The following SEC24B variants were observed in gnomAD, a reference collection of about 807,000 sequenced individuals.
SEC24B encodes the protein SEC24 homolog B, COPII component, also known as protein transport protein Sec24B.
A neutral mutation model predicts 142.8 loss-of-function variants in SEC24B; 45 were observed. That is an observed-to-expected ratio of 0.32 (90% CI 0.25 to 0.40). SEC24B has a LOEUF of 0.40. Among genes scored for constraint, SEC24B ranks in the 10% least tolerant of loss-of-function variants. SEC24B has a pLI of 1.00. For missense variants in SEC24B, 1,409 were observed against 1,526.8 expected (o/e 0.92, Z 1.29); for synonymous variants, 574 against 568.2 (o/e 1.01, Z -0.15).
chr4:109,533,724 CA>C (rs774156150), intron 22 of SEC24B, 39 bp downstream of exon 22: 5 of 1,193,174 alleles, frequency 4.2e-6, no homozygotes, highest in East Asian at 4.7e-5. Flanking sequence ...TTTGTTTGCT[CA>C]TTTTTTTTTA....
intron 7 of SEC24B, among the ~76,000 whole-genome samples, chr4:109,508,919 AAC>A (rs906877681): frequency 7.9e-5 from 12 of 152,370 alleles, no homozygotes; most frequent in East Asian, 3.9e-4. Context: ...TTGTGAACAA[AAC>A]ACAGTTCCTG....
At chr4:109,462,759 T>A in intron 1 of SEC24B, 142 bp from the exon 2 acceptor site, 1 of 678,444 alleles carries the variant, frequency 1.5e-6, no homozygotes. Context: ...CAGGCTACCA[T>A]AATGGGTCTA....
At position 109,521,511 on chromosome 4, in the gene SEC24B, T is replaced by C. The variant is rs1179827112; in HGVS notation, c.2393T>C (p.Phe798Ser). ...CTTGGTCCTGCACTTCAGGCTGCCT[T>C]TAAATTAATGTCTCCAACAGGTGGC... ...SALGPALQAA[F>S]KLMSPTGGRV... The change falls in exon 14 of 24, where the codon TTT becomes TCT. Residue 798 changes from phenylalanine (F) to serine (S), a missense_variant. Physicochemically the swap from Phe to Ser is radical, Grantham distance 155. Coordinates refer to ENST00000265175, the MANE Select transcript of SEC24B (RefSeq NM_006323.5). 1.2e-6 allele frequency: 2 copies of C among 1,614,048 alleles called. No individual in the cohort carries two copies. The highest frequency in any genetic ancestry group is 2.7e-5 in the African/African-American group (2 of 74,936).
chr4:109,449,234 TTTC>T (rs1192780856), intron 1 of SEC24B, among the ~76,000 whole-genome samples: 12 of 152,220 alleles, frequency 7.9e-5, no homozygotes, highest in African/African-American at 2.9e-4. Context: ...AGACATTTCT[TTTC>T]TTCTTTGAGG....
At chr4:109,440,277 G>A (rs1361607713) in intron 1 of SEC24B, among the ~76,000 whole-genome samples, 1 of 152,134 alleles carries the variant, frequency 6.6e-6, no homozygotes, top group Non-Finnish European at 1.5e-5. Context: ...TGGGATTGTA[G>A]CAGTAATTAA....
At chr4:109,481,892 T>C (rs1378996443) in intron 4 of SEC24B, 111 bp downstream of exon 4, 9 of 738,440 alleles carry the variant, frequency 1.2e-5, no homozygotes, top group African/African-American at 3.5e-5. Flanking sequence ...TTTAGCATGA[T>C]GAACTTACGA....
At chr4:109,459,680 T>G (rs1396838267) in intron 1 of SEC24B, among the ~76,000 whole-genome samples, 1 of 152,170 alleles carries the variant, frequency 6.6e-6, no homozygotes, top group Non-Finnish European at 1.5e-5. Flanking sequence ...AACTCACTTC[T>G]GATAAATTTC....
chr4:109,450,698 T>G (rs1257850645), intron 1 of SEC24B: 2 of 150,594 alleles, frequency 1.3e-5, no homozygotes, highest in Non-Finnish European at 3.0e-5. Context: ...TTTTAGCATG[T>G]CACTCATGAG....
At chr4:109,507,454 A>G (rs1431485972) in intron 7 of SEC24B, among the ~76,000 whole-genome samples, 1 of 151,312 alleles carries the variant, frequency 6.6e-6, no homozygotes, top group East Asian at 1.9e-4. Flanking sequence ...TTGTATTTTT[A>G]TTAGAGATGG....
At position 109,530,444 on chromosome 4, in the gene SEC24B, G is replaced by C; in HGVS notation, c.3232G>C (p.Val1078Leu). The C allele has an allele frequency of 6.2e-7, 1 of 1,613,590 alleles. No individual in the cohort carries two copies. Among genetic ancestry groups the C allele is most frequent in the Non-Finnish European group, 8.5e-7 (1 of 1,179,790 alleles). ...CTCCCTCAAGTTGTTTCCTCTCTATGTTTTGGCCCTTCTCAAACAGGTAGC... is the reference window on the plus strand; with the variant it reads ...CTCCCTCAAGTTGTTTCCTCTCTATCTTTTGGCCCTTCTCAAACAGGTAGC... The part of the protein sequence containing the change: ...PSSLKLFPLY[V>L]LALLKQKAFR... Residue 1078 changes from valine (V) to leucine (L), a missense_variant, in exon 19 of 24, where the codon GTT becomes CTT. Around this residue, in one of 2 missense-constraint regions of SEC24B, gnomAD observed 700 missense variants for 853.3 expected, o/e 0.82. Coordinates refer to ENST00000265175, the MANE Select transcript of SEC24B (RefSeq NM_006323.5).
intron 9 of SEC24B, among the ~76,000 whole-genome samples, chr4:109,512,614 A>T (rs1226010452): frequency 1.3e-5 from 2 of 151,146 alleles, no homozygotes; most frequent in Non-Finnish European, 2.9e-5. Context: ...TTCTCACCTG[A>T]TTTCAGAACA....
At chr4:109,459,254 A>G (rs1199930534) in intron 1 of SEC24B, among the ~76,000 whole-genome samples, 2 of 152,224 alleles carry the variant, frequency 1.3e-5, no homozygotes, top group Non-Finnish European at 1.5e-5. Flanking sequence ...ATCTGTCATG[A>G]GAGGCAGAAA....
intron 16 of SEC24B, among the ~76,000 whole-genome samples, chr4:109,525,828 A>G (rs1226439215): frequency 1.3e-5 from 2 of 152,158 alleles, no homozygotes; most frequent in Non-Finnish European, 2.9e-5. Context: ...TGCCTTCATA[A>G]TCATTTAATG....
intron 2 of SEC24B, among the ~76,000 whole-genome samples, chr4:109,471,556 G>T: frequency 6.6e-6 from 1 of 152,258 alleles, no homozygotes; most frequent in African/African-American, 2.4e-5. Flanking sequence ...TCTATTGCTG[G>T]TTTAAAATAA....
intron 6 of SEC24B, among the ~76,000 whole-genome samples, chr4:109,505,140 T>C (rs1275306585): frequency 6.6e-6 from 1 of 152,056 alleles, no homozygotes; most frequent in African/African-American, 2.4e-5. Context: ...TATTGTAATG[T>C]TTTTTGACAT....
At chr4:109,533,046 A>G (rs1441731293) in intron 21 of SEC24B, among the ~76,000 whole-genome samples, 4 of 152,222 alleles carry the variant, frequency 2.6e-5, no homozygotes, top group Non-Finnish European at 4.4e-5. Flanking sequence ...GTAAATTCCT[A>G]TATTTAGGGA....
intron 1 of SEC24B, among the ~76,000 whole-genome samples, chr4:109,461,418 T>C (rs1205070586): frequency 1.3e-5 from 2 of 152,206 alleles, no homozygotes; most frequent in African/African-American, 2.4e-5. Context: ...CTCATAAATA[T>C]AGATTAGTTC....
At chr4:109,490,058 A>G (rs1225365650) in intron 4 of SEC24B, among the ~76,000 whole-genome samples, 1 of 152,102 alleles carries the variant, frequency 6.6e-6, no homozygotes, top group Non-Finnish European at 1.5e-5. Flanking sequence ...CTTCATATCC[A>G]CTGTCTCATT....
chr4:109,454,869 G>A (rs998061405), intron 1 of SEC24B, among the ~76,000 whole-genome samples: 2 of 152,200 alleles, frequency 1.3e-5, no homozygotes, highest in South Asian at 2.1e-4. Flanking sequence ...AGAGGGTCCT[G>A]CCCCATAAGC....
Sources: allele counts gnomAD v4.1 joint callset (sites outside exome capture counted in the v4.1 genomes callset), GRCh38; gene constraint gnomAD v4.1.1; regional missense constraint gnomAD v4.1.1; transcripts MANE v1.5; gene names NCBI Gene and HGNC (gene_info 2026-07-23, HGNC 2026-07-21).